The following IFNGR2 variants were observed in gnomAD, a reference collection of about 807,000 sequenced individuals.
IFNGR2 encodes IFN-gamma receptor 2.
A neutral mutation model predicts 41.1 loss-of-function variants in IFNGR2; 15 were observed. The ratio of observed to expected loss-of-function variants is 0.37; its 90% CI spans 0.24 to 0.56. The LOEUF (loss-of-function observed/expected upper bound fraction) is 0.56, where lower values mean the gene tolerates loss of function less well. IFNGR2 is among the 20% of genes least tolerant of loss of function. The pLI is 0.81. For missense variants in IFNGR2, 362 were observed against 415.7 expected, an observed-to-expected ratio of 0.87 and a Z score of 1.12; for synonymous variants, 161 against 171.6, an observed-to-expected ratio of 0.94 and a Z score of 0.48.
At position 33,415,027 on chromosome 21, in the gene IFNGR2, C is replaced by A; in HGVS notation, c.206+7C>A. The A allele has an allele frequency of 1.9e-6, 3 of 1,613,978 alleles. 1 individual carries two copies. In the South Asian group the frequency reaches 3.3e-5, roughly 18 times the overall value. On this transcript the variant is annotated splice_region_variant and intron_variant, in intron 2 of 6. Coordinates refer to ENST00000290219, the MANE Select transcript of IFNGR2 (RefSeq NM_005534.4). ...ACCAAGTGCAGTTTAAATAGTAAGC[C>A]GGTATTTCTGTTGGATCCTTGCTGG... is the stretch of plus-strand genomic sequence containing the variant.
In IFNGR2 at chr21:33,403,607, GC is replaced by G; in HGVS notation, c.68del (p.Pro23ArgfsTer25). On this transcript the variant is annotated frameshift_variant, in exon 1 of 7. Transcript: ENST00000290219. LOFTEE classifies it high-confidence loss of function. ...CGGAGTCTTCGCCGCCGCCGCCGCG[GC>G]CCCGCCAGGTGAGCCGGGCCTGGGC... ...LLGVFAAAAA[A>X]PPDPLSQLPA... 7.3e-7 allele frequency: 1 copy of G among 1,365,154 alleles called. No homozygotes were observed. The highest frequency in any genetic ancestry group is 1.6e-5 in the South Asian group (1 of 60,692). 84.6% of individuals were successfully genotyped at this position (1,365,154 alleles called of 1,614,324 possible).
intron 1 of IFNGR2, 21 bp downstream of exon 1, chr21:33,403,637 C>T: frequency 7.7e-7 from 1 of 1,294,102 alleles, no homozygotes; most frequent in Non-Finnish European, 9.8e-7. Flanking sequence ...CCTGGGCCTC[C>T]GCGGCGGGAC....
At chr21:33,403,646 A>G in intron 1 of IFNGR2, 30 bp downstream of exon 1, 2 of 1,258,266 alleles carry the variant, frequency 1.6e-6, no homozygotes, top group South Asian at 2.2e-5. Flanking sequence ...CCGCGGCGGG[A>G]CGCGGGCGCA....
chr21:33,418,237 A>G (rs1329157525), intron 2 of IFNGR2, among the ~76,000 whole-genome samples: 2 of 152,016 alleles, frequency 1.3e-5, no homozygotes, highest in Non-Finnish European at 2.9e-5. Context: ...TTATATTTTT[A>G]GTAGAGACAG....
intron 6 of IFNGR2, 95 bp from the exon 7 acceptor site, chr21:33,436,733 A>AAAT (rs2083956559): frequency 3.9e-6 from 4 of 1,032,934 alleles, no homozygotes; most frequent in Non-Finnish European, 5.7e-6. Context: ...AAAAAAATAA[A>AAAT]AATAAAAATA....
chr21:33,413,447 G>A (rs1184765732), intron 1 of IFNGR2, among the ~76,000 whole-genome samples: 1 of 152,242 alleles, frequency 6.6e-6, no homozygotes, highest in African/African-American at 2.4e-5. Flanking sequence ...CCAGTGGTCA[G>A]GCTGTCAGCT....
intron 2 of IFNGR2, among the ~76,000 whole-genome samples, chr21:33,417,724 C>T (rs901020124): frequency 6.6e-6 from 1 of 152,180 alleles, no homozygotes; most frequent in African/African-American, 2.4e-5. Flanking sequence ...GCCCTACCCT[C>T]AGCATTCAGC....
At chr21:33,407,872 C>G (rs1401012515) in intron 1 of IFNGR2, among the ~76,000 whole-genome samples, 1 of 147,814 alleles carries the variant, frequency 6.8e-6, no homozygotes, top group African/African-American at 2.5e-5. Context: ...CCCCGCCAGC[C>G]TCAGCCTCCC....
At chr21:33,406,295 G>A (rs1319515074) in intron 1 of IFNGR2, among the ~76,000 whole-genome samples, 1 of 150,444 alleles carries the variant, frequency 6.6e-6, no homozygotes, top group Admixed American at 6.6e-5. Flanking sequence ...AGAATCACTT[G>A]AACCTGGGAG....
intron 6 of IFNGR2, 98 bp from the exon 7 acceptor site, chr21:33,436,730 T>A (rs559854770): frequency 4.6e-5 from 46 of 991,080 alleles, no homozygotes; most frequent in Admixed American, 2.0e-4. Context: ...AAAAAAAAAA[T>A]AAAAATAAAA....
chr21:33,404,999 A>C (rs1213045928), intron 1 of IFNGR2, among the ~76,000 whole-genome samples: 1 of 151,752 alleles, frequency 6.6e-6, no homozygotes, highest in Non-Finnish European at 1.5e-5. Flanking sequence ...CCCGCCTGTA[A>C]TCCCAACTAC....
chr21:33,403,612 G>T lies in IFNGR2; in HGVS notation c.69G>T (p.Pro23=), dbSNP rs1410952475. ...LGVFAAAAAA[P]PDPLSQLPAP... is the part of the protein sequence containing the mutation. ...TCTTCGCCGCCGCCGCCGCGGCCCC[G>T]CCAGGTGAGCCGGGCCTGGGCCTCC... The change falls in exon 1 of 7, where the codon CCG becomes CCT. Residue 23 remains proline (P), a synonymous_variant. Coordinates refer to ENST00000290219, the MANE Select transcript of IFNGR2 (RefSeq NM_005534.4). 1.6e-5 allele frequency: 21 copies of T among 1,348,632 alleles called. No homozygotes were observed. Among genetic ancestry groups the T allele is most frequent in the Middle Eastern group, 2.7e-4 (1 of 3,650 alleles). 83.5% of individuals were successfully genotyped at this position (1,348,632 alleles called of 1,614,324 possible). A position where few individuals can be genotyped will look rare whatever the true frequency, so the allele number is the denominator to read the frequency against.
At chr21:33,432,641 G>A in intron 5 of IFNGR2, 73 bp from the exon 6 acceptor site, 3 of 1,519,654 alleles carry the variant, frequency 2.0e-6, no homozygotes, top group South Asian at 2.2e-5. Context: ...TAAGCAGCAT[G>A]GATGGAACAT....
At chr21:33,426,645 G>A (rs1174053795) in intron 3 of IFNGR2, among the ~76,000 whole-genome samples, 2 of 151,942 alleles carry the variant, frequency 1.3e-5, no homozygotes, top group African/African-American at 2.4e-5. Flanking sequence ...GCTTGAGCCC[G>A]GGAGGTGGAG....
At chr21:33,407,323 G>T (rs1456083881) in intron 1 of IFNGR2, among the ~76,000 whole-genome samples, 1 of 151,826 alleles carries the variant, frequency 6.6e-6, no homozygotes, top group African/African-American at 2.4e-5. Context: ...AAAAACCATT[G>T]CATGTGAATG....
At chr21:33,409,911 C>T (rs943839790) in intron 1 of IFNGR2, among the ~76,000 whole-genome samples, 1 of 152,010 alleles carries the variant, frequency 6.6e-6, no homozygotes, top group Non-Finnish European at 1.5e-5. Flanking sequence ...TTAAAGAATT[C>T]CCTCTCAGGA....
chr21:33,404,992 G>A (rs1413403726), intron 1 of IFNGR2, among the ~76,000 whole-genome samples: 4 of 151,672 alleles, frequency 2.6e-5, no homozygotes, highest in Admixed American at 6.6e-5. Flanking sequence ...GGTAGCGCCC[G>A]CCTGTAATCC....
Position 33,432,846 on chromosome 21 carries a change from C to T in IFNGR2, c.854C>T (p.Pro285Leu). The change falls in exon 6 of 7, where the codon CCA (proline) becomes CTA (leucine). Residue 285 changes from proline to leucine, a missense_variant. Coordinates refer to ENST00000290219, the MANE Select transcript of IFNGR2 (RefSeq NM_005534.4). ...GLIKYWFHTPPSIPLQIEEYL... is the reference protein window; with the variant it reads ...GLIKYWFHTPLSIPLQIEEYL... ...ATTAAATACTGGTTTCACACTCCAC[C>T]AAGCATCCCATTACAGATAGAAGAG... is the stretch of plus-strand genomic sequence containing the variant. 6.2e-7 allele frequency: 1 copy of T among 1,612,908 alleles called. No individual in the cohort carries two copies. The highest frequency in any genetic ancestry group is 1.3e-5 in the African/African-American group (1 of 74,858).
intron 1 of IFNGR2, among the ~76,000 whole-genome samples, chr21:33,411,287 C>T (rs759685642): frequency 7.2e-5 from 11 of 152,294 alleles, no homozygotes; most frequent in South Asian, 2.1e-4. Context: ...TGCTGTTCCA[C>T]GCGTCGCTTG....
Sources: gnomAD v4.1 joint callset for allele counts (sites outside exome capture counted in the v4.1 genomes callset) on GRCh38, gnomAD v4.1.1 for gene constraint, MANE v1.5 for transcripts, NCBI Gene and HGNC (gene_info 2026-07-23, HGNC 2026-07-21) for gene names.